TTC7A: variants seen among roughly 807,000 people sequenced by gnomAD.
TTC7A encodes the protein tetratricopeptide repeat domain 7A, also known as tetratricopeptide repeat protein 7A.
A neutral mutation model predicts 103.7 loss-of-function variants in TTC7A; 110 were observed. The observed-to-expected ratio is 1.06, with a 90% confidence interval of 0.91 to 1.24. The LOEUF is 1.24. Ranked by LOEUF, TTC7A falls within the 50% of genes most tolerant of loss-of-function variation. TTC7A has a pLI of 0.00. For synonymous variants in TTC7A, 521 were observed against 467.9 expected (o/e 1.11, Z -1.47); for missense variants, 1,340 against 1,116.3 (o/e 1.20, Z -2.86).
intron 14 of TTC7A, among the ~76,000 whole-genome samples, chr2:47,028,353 C>T (rs893212659): frequency 8.5e-5 from 13 of 152,246 alleles, no homozygotes; most frequent in Non-Finnish European, 1.0e-4. Context: ...GCAAATCACC[C>T]GTGCCCTCTG....
At chr2:46,960,777 T>C (rs1305763057) in intron 3 of TTC7A, among the ~76,000 whole-genome samples, 1 of 152,208 alleles carries the variant, frequency 6.6e-6, no homozygotes, top group Non-Finnish European at 1.5e-5. Context: ...TGGATGTCTC[T>C]AAAGCTTGTG....
intron 10 of TTC7A, among the ~76,000 whole-genome samples, chr2:47,009,505 A>G (rs894854208): frequency 2.6e-5 from 4 of 152,156 alleles, no homozygotes; most frequent in African/African-American, 9.7e-5. Context: ...AGGGAAATCT[A>G]TCACGTCTGG....
chr2:46,983,236 T>A (rs1327508393), intron 5 of TTC7A, among the ~76,000 whole-genome samples: 4 of 151,922 alleles, frequency 2.6e-5, no homozygotes, highest in African/African-American at 9.7e-5. Context: ...TGCCATGGAG[T>A]CCTGGGCTGC....
At position 47,049,938 on chromosome 2, in the gene TTC7A, T is replaced by C. The variant is rs1682704669; in HGVS notation, c.1920-11T>C. On this transcript the variant is annotated splice_polypyrimidine_tract_variant and intron_variant, in intron 16 of 19. Coordinates refer to ENST00000319190, the MANE Select transcript of TTC7A (RefSeq NM_020458.4). ...TACCTTACCGGACCCTGGCCCTCTT[T>C]TGCCTTCCAGAGGCCTAGAAAAGGA... 6.2e-7 allele frequency: 1 copy of C among 1,612,838 alleles called. No homozygotes were observed. The highest frequency in any genetic ancestry group is 1.1e-5 in the South Asian group (1 of 91,010).
intron 3 of TTC7A, among the ~76,000 whole-genome samples, chr2:46,972,064 G>A (rs1470692589): frequency 6.6e-6 from 1 of 152,126 alleles, no homozygotes; most frequent in Non-Finnish European, 1.5e-5. Flanking sequence ...CCAGCAGGTA[G>A]AGCTTCAGGC....
intron 11 of TTC7A, among the ~76,000 whole-genome samples, chr2:47,015,735 G>A (rs143023937): frequency 5.9e-5 from 9 of 152,258 alleles, no homozygotes; most frequent in Admixed American, 1.3e-4. Context: ...AAAAGGATGC[G>A]CCTTGATGTT....
chr2:47,071,968 C>A (rs540182885), intron 19 of TTC7A, among the ~76,000 whole-genome samples: 4 of 152,238 alleles, frequency 2.6e-5, no homozygotes, highest in African/African-American at 9.6e-5. Context: ...TGGCTCCCTC[C>A]TGGGCAGAAC....
rs368884882 is a variant in TTC7A at position 47,027,323 on chromosome 2, G to A, written c.1642-1901G>A. On this transcript the variant is annotated intron_variant, in intron 14 of 19. Transcript: ENST00000319190. ...ACAAGGAGGGCTGGCCTTGACCTGC[G>A]ACAGCTTTGAGGCCAGGCCTGTCAC... 5.3e-5 allele frequency among the ~76,000 whole-genome samples: 8 copies of A among 152,278 alleles called. No homozygotes were observed. In the South Asian group the frequency reaches 8.3e-4, roughly 16 times the overall value.
chr2:47,001,447 C>A (rs1676793198), intron 8 of TTC7A, among the ~76,000 whole-genome samples: 1 of 152,172 alleles, frequency 6.6e-6, no homozygotes, highest in African/African-American at 2.4e-5. Context: ...GGTAGTTCAT[C>A]TTCTGGGGCT....
intron 4 of TTC7A, chr2:46,977,968 G>A (rs1390723605): frequency 6.6e-6 from 1 of 152,240 alleles, no homozygotes; most frequent in African/African-American, 2.4e-5. Flanking sequence ...TGAGGCATAA[G>A]TAAGATTTGG....
rs1413949959 is a variant in TTC7A, at chr2:47,029,376, G to C, written c.1794G>C (p.Glu598Asp). Reference protein sequence around the residue: ...VVNMAITEHPENFNLMFTKVK... With the variant: ...VVNMAITEHPDNFNLMFTKVK... Reference sequence around the variant, plus strand: ...ACATGGCCATCACCGAGCACCCTGAGAACTTCAAGTGAGTGCCCTGGGAAC... The same window carrying C: ...ACATGGCCATCACCGAGCACCCTGACAACTTCAAGTGAGTGCCCTGGGAAC... Residue 598 changes from glutamate to aspartate, a missense_variant, in exon 15 of 20, where the codon GAG becomes GAC. By Grantham distance (45) the Glu-to-Asp change is conservative. Coordinates refer to ENST00000319190, the MANE Select transcript of TTC7A (RefSeq NM_020458.4). 1.2e-6 allele frequency: 2 copies of C among 1,613,748 alleles called. No homozygotes were observed. The highest frequency in any genetic ancestry group is 1.7e-6 in the Non-Finnish European group (2 of 1,180,028).
At chr2:46,944,113 A>G (rs545912158) in intron 1 of TTC7A, among the ~76,000 whole-genome samples, 1 of 152,194 alleles carries the variant, frequency 6.6e-6, no homozygotes, top group African/African-American at 2.4e-5. Flanking sequence ...AGGATGGAGC[A>G]GGGGAACCCC....
intron 5 of TTC7A, among the ~76,000 whole-genome samples, chr2:46,980,208 C>T (rs1674297597): frequency 1.4e-5 from 2 of 145,362 alleles, no homozygotes; most frequent in South Asian, 2.1e-4. Flanking sequence ...CTACCCTATA[C>T]TCTCTCTCTT....
At chr2:46,996,075 A>G (rs556042236) in intron 8 of TTC7A, among the ~76,000 whole-genome samples, 1 of 152,356 alleles carries the variant, frequency 6.6e-6, no homozygotes, top group East Asian at 1.9e-4. Flanking sequence ...GCTTGCACAC[A>G]TATGGTGGCC....
At position 47,012,891 on chromosome 2, in the gene TTC7A, C is replaced by T. The variant is rs139874948; in HGVS notation, c.1392+1456C>T. Among the ~76,000 whole-genome samples the T allele has an allele frequency of 7.7e-4, 118 of 152,310 alleles. 2 individuals carry two copies. In the East Asian group the frequency reaches 0.022, roughly 28 times the overall value. On this transcript the variant is annotated intron_variant, in intron 11 of 19. Coordinates refer to ENST00000319190, the MANE Select transcript of TTC7A (RefSeq NM_020458.4). ...TGATCAGGAGGAAGGGAAAGTGTGG[C>T]ATCTGGCTCGTGTTCTTTATGCTGT...
intron 1 of TTC7A, among the ~76,000 whole-genome samples, chr2:46,943,925 G>A (rs1476874554): frequency 6.6e-6 from 1 of 152,190 alleles, no homozygotes; most frequent in Admixed American, 6.5e-5. Flanking sequence ...ATTCAGGGAG[G>A]CAGAAAGGGA....
chr2:47,063,809 C>A (rs539922313), intron 19 of TTC7A, among the ~76,000 whole-genome samples: 1 of 152,302 alleles, frequency 6.6e-6, no homozygotes, highest in Non-Finnish European at 1.5e-5. Flanking sequence ...TGGGTGAGTC[C>A]CACTCCCTGA....
intron 15 of TTC7A, among the ~76,000 whole-genome samples, chr2:47,043,058 A>G (rs1681935378): frequency 6.6e-6 from 1 of 152,220 alleles, no homozygotes; most frequent in East Asian, 1.9e-4. Context: ...TCCTGACGGC[A>G]TGCCAGGGCT....
At chr2:46,962,350 A>G (rs1163977139) in intron 3 of TTC7A, among the ~76,000 whole-genome samples, 1 of 152,094 alleles carries the variant, frequency 6.6e-6, no homozygotes, top group Admixed American at 6.6e-5. Context: ...CTTGGACCTC[A>G]GCTCAGTATG....
Sources: allele counts gnomAD v4.1 joint callset (sites outside exome capture counted in the v4.1 genomes callset), GRCh38; gene constraint gnomAD v4.1.1; transcripts MANE v1.5; gene names NCBI Gene and HGNC (gene_info 2026-07-23, HGNC 2026-07-21).